The following BRK1 variants were observed in gnomAD, a reference collection of about 807,000 sequenced individuals.
BRK1 encodes the protein protein BRICK1.
BRK1 carries 6 observed loss-of-function variants against 9.9 expected under a neutral mutation model. That is an observed-to-expected ratio of 0.60 (90% CI 0.33 to 1.19). The LOEUF (loss-of-function observed/expected upper bound fraction) is 1.19. Among genes scored for constraint, BRK1 ranks in the 50% most tolerant of loss-of-function variants. BRK1 has a pLI of 0.04. For missense variants in BRK1, 62 were observed against 97.5 expected, an observed-to-expected ratio of 0.64 and a Z score of 1.53; for synonymous variants, 44 against 31.9, an observed-to-expected ratio of 1.38 and a Z score of -1.28.
At chr3:10,125,538 T>C in intron 1 of BRK1, 88 bp from the exon 2 acceptor site, 2 of 773,686 alleles carry the variant, frequency 2.6e-6, no homozygotes, top group South Asian at 3.3e-5. Context: ...TTCTGTGTAT[T>C]ATTCCTCTTT....
At chr3:10,118,684 G>A (rs1432014082) in intron 1 of BRK1, among the ~76,000 whole-genome samples, 1 of 151,978 alleles carries the variant, frequency 6.6e-6, no homozygotes, top group African/African-American at 2.4e-5. Context: ...GACAGGATTC[G>A]CCATGTTGGC....
chr3:10,116,618 C>G lies in BRK1; in HGVS notation c.118+799C>G, dbSNP rs17032414. Among the ~76,000 whole-genome samples the G allele has an allele frequency of 0.23, 35,475 of 152,004 alleles. 5,329 individuals carry two copies. Among genetic ancestry groups the G allele is most frequent in the African/African-American group, 0.43 (17,854 of 41,446 alleles). ...TACCCCTTCTTCTCCAAGTGTTTAA[C>G]AGAACTTGGCACTGGTTAGACTTTC... On this transcript the variant is annotated intron_variant, in intron 1 of 2. Transcript: ENST00000530758.
rs776179869 is a variant in BRK1 at position 10,115,755 on chromosome 3, C to A, written c.54C>A (p.Asn18Lys). The A allele has an allele frequency of 1.7e-5, 27 of 1,613,100 alleles. No homozygotes were observed. Among genetic ancestry groups the A allele is most frequent in the African/African-American group, 2.7e-5 (2 of 74,852 alleles). Residue 18 changes from asparagine (N) to lysine (K), a missense_variant, in exon 1 of 3, where the codon AAC (asparagine) becomes AAA (lysine). By Grantham distance (94) the Asn-to-Lys change is moderately conservative (BLOSUM62 0). Coordinates refer to ENST00000530758, the MANE Select transcript of BRK1 (RefSeq NM_018462.5). ...GGGAGATTCACCAGGACTGGGCTAACCGGGAGTACATTGAGATAATCACCA... is the reference window on the plus strand; with the variant it reads ...GGGAGATTCACCAGGACTGGGCTAAACGGGAGTACATTGAGATAATCACCA... The part of the protein sequence containing the change: ...VQREIHQDWA[N>K]REYIEIITSS...
chr3:10,122,724 T>TA (rs971769718), intron 1 of BRK1, among the ~76,000 whole-genome samples: 430 of 148,350 alleles, frequency 2.9e-3, no homozygotes, highest in African/African-American at 7.4e-3. Context: ...ATGTCTCTTT[T>TA]AAAAAAAAAA....
chr3:10,123,424 C>T (rs1695785063), intron 1 of BRK1, among the ~76,000 whole-genome samples: 1 of 148,696 alleles, frequency 6.7e-6, no homozygotes, highest in Non-Finnish European at 1.5e-5. Context: ...CTTTCTTGGC[C>T]TCTACTTTCT....
At chr3:10,119,143 CAAAAAAAA>C (rs74416793) in intron 1 of BRK1, among the ~76,000 whole-genome samples, 40 of 67,442 alleles carry the variant, frequency 5.9e-4, no homozygotes, top group Admixed American at 1.2e-3. Context: ...GACTCCATCT[CAAAAAAAA>C]AAAAAAAAAA....
intron 1 of BRK1, among the ~76,000 whole-genome samples, chr3:10,122,836 A>G (rs1040348744): frequency 3.3e-5 from 5 of 152,236 alleles, no homozygotes; most frequent in African/African-American, 1.2e-4. Flanking sequence ...CTTGAAGGAG[A>G]TAGGCAGGCA....
chr3:10,124,281 C>T (rs1319273448), intron 1 of BRK1, among the ~76,000 whole-genome samples: 3 of 150,658 alleles, frequency 2.0e-5, no homozygotes, highest in African/African-American at 7.3e-5. Flanking sequence ...GGTGAAACCC[C>T]GTCTCTACTA....
intron 1 of BRK1, among the ~76,000 whole-genome samples, chr3:10,122,214 C>T (rs1025997627): frequency 3.3e-5 from 5 of 152,006 alleles, no homozygotes; most frequent in African/African-American, 9.7e-5. Flanking sequence ...TGAGCCACCG[C>T]GCCTGGCCAC....
intron 1 of BRK1, among the ~76,000 whole-genome samples, chr3:10,119,513 A>G (rs932374244): frequency 2.0e-5 from 3 of 152,162 alleles, no homozygotes; most frequent in Non-Finnish European, 4.4e-5. Flanking sequence ...TATGTTAGCA[A>G]TTCTGTAGTC....
intron 1 of BRK1, 106 bp downstream of exon 1, chr3:10,115,925 T>G (rs1559418426): frequency 1.1e-6 from 1 of 891,218 alleles, no homozygotes; most frequent in African/African-American, 1.6e-5. Flanking sequence ...CTTCGGCTGT[T>G]GCGGGTTTTC....
At chr3:10,124,588 G>T (rs1453270414) in intron 1 of BRK1, among the ~76,000 whole-genome samples, 2 of 152,174 alleles carry the variant, frequency 1.3e-5, no homozygotes, top group South Asian at 4.1e-4. Flanking sequence ...ACCTTGGCCA[G>T]CAGTCTTCAC....
intron 1 of BRK1, among the ~76,000 whole-genome samples, chr3:10,121,300 G>A (rs1695752423): frequency 6.6e-6 from 1 of 152,290 alleles, no homozygotes; most frequent in Non-Finnish European, 1.5e-5. Flanking sequence ...CCACTGAATT[G>A]TATACTTTAA....
rs1436308658 is a variant in BRK1 at position 10,127,071 on chromosome 3, A to ATG, written c.*778_*779dup. On this transcript the variant is annotated 3_prime_UTR_variant, in exon 3 of 3. Coordinates refer to ENST00000530758, the MANE Select transcript of BRK1 (RefSeq NM_018462.5). Reference sequence around the variant, plus strand: ...AGGTGGCTTACCAGCCCAAGTCCCCATGTTTGGACTTTCAGCTGACTAGCT... The same window carrying ATG: ...AGGTGGCTTACCAGCCCAAGTCCCCATGTGTTTGGACTTTCAGCTGACTAGCT... The ATG allele has an allele frequency of 6.6e-6, 1 of 152,476 alleles. No individual in the cohort carries two copies. Among genetic ancestry groups the ATG allele is most frequent in the Non-Finnish European group, 1.5e-5 (1 of 68,040 alleles). 9.4% of individuals were successfully genotyped at this position (152,476 alleles called of 1,614,324 possible). A position where few individuals can be genotyped will look rare whatever the true frequency, so the allele number is the denominator to read the frequency against.
At chr3:10,124,901 C>G (rs975651781) in intron 1 of BRK1, among the ~76,000 whole-genome samples, 4 of 152,186 alleles carry the variant, frequency 2.6e-5, no homozygotes, top group Non-Finnish European at 5.9e-5. Context: ...CCCCTTCACA[C>G]TTGGAATCTC....
intron 1 of BRK1, among the ~76,000 whole-genome samples, chr3:10,124,897 C>G (rs1201754262): frequency 6.6e-6 from 1 of 152,192 alleles, no homozygotes. Flanking sequence ...GCATCCCCTT[C>G]ACACTTGGAA....
intron 1 of BRK1, among the ~76,000 whole-genome samples, chr3:10,117,550 C>T (rs567336431): frequency 6.6e-6 from 1 of 151,998 alleles, no homozygotes; most frequent in Non-Finnish European, 1.5e-5. Flanking sequence ...TGCACCACCA[C>T]ACCTGGCTGA....
Position 10,123,732 on chromosome 3 carries a change from C to CTTTTTTTTTT in BRK1, c.119-1882_119-1873dup, listed in dbSNP as rs71626962. ...ACAGGCCTGAGCCACCGTGCCTGGC[C>CTTTTTTTTTT]TTTTTTTTTTTTTTTTTTTTTGAGA... On this transcript the variant is annotated intron_variant, in intron 1 of 2. Coordinates refer to ENST00000530758, the MANE Select transcript of BRK1 (RefSeq NM_018462.5). 8.2e-5 allele frequency among the ~76,000 whole-genome samples: 4 copies of CTTTTTTTTTT among 48,694 alleles called. 1 individual carries two copies. The highest frequency in any genetic ancestry group is 6.0e-4 in the African/African-American group (4 of 6,698). The allele number at this position is 48,694 out of a possible 152,430, so 31.9% of individuals were successfully genotyped here.
At chr3:10,120,490 C>A (rs1230518466) in intron 1 of BRK1, among the ~76,000 whole-genome samples, 1 of 152,090 alleles carries the variant, frequency 6.6e-6, no homozygotes, top group Non-Finnish European at 1.5e-5. Flanking sequence ...CCACCGTGCC[C>A]GGCCTGACAG....
Sources: allele counts gnomAD v4.1 joint callset (sites outside exome capture counted in the v4.1 genomes callset), GRCh38; gene constraint gnomAD v4.1.1; transcripts MANE v1.5; gene names NCBI Gene and HGNC (gene_info 2026-07-23, HGNC 2026-07-21).